Variants in ZFAND3 observed in about 807,000 individuals in gnomAD.
ZFAND3 encodes the protein zinc finger AN1-type containing 3.
A neutral mutation model predicts 29.6 loss-of-function variants in ZFAND3; 10 were observed. The ratio of observed to expected loss-of-function variants is 0.34; its 90% confidence interval spans 0.21 to 0.57. The LOEUF (loss-of-function observed/expected upper bound fraction) is 0.57. Among genes scored for constraint, ZFAND3 ranks in the 20% least tolerant of loss-of-function variants. The pLI is 0.86. For synonymous variants in ZFAND3, 128 were observed against 112.6 expected, an observed-to-expected ratio of 1.14 and a Z score of -0.87; for missense variants, 230 against 304.5, an observed-to-expected ratio of 0.76 and a Z score of 1.82.
At chr6:37,888,736 C>T (rs571927611) in intron 1 of ZFAND3, among the ~76,000 whole-genome samples, 23 of 152,278 alleles carry the variant, frequency 1.5e-4, no homozygotes, top group African/African-American at 5.5e-4. Flanking sequence ...ATCTCTTTCT[C>T]TTTGATGTTG....
intron 1 of ZFAND3, among the ~76,000 whole-genome samples, chr6:37,841,410 A>C (rs1287816356): frequency 6.6e-6 from 1 of 152,228 alleles, no homozygotes; most frequent in African/African-American, 2.4e-5. Context: ...TTGTAGACTC[A>C]ATACATTTAC....
chr6:37,934,924 A>T (rs1761671168), intron 2 of ZFAND3, among the ~76,000 whole-genome samples: 1 of 145,046 alleles, frequency 6.9e-6, no homozygotes. Flanking sequence ...CCTATTTGTT[A>T]TTTTTCTACC....
intron 1 of ZFAND3, among the ~76,000 whole-genome samples, chr6:37,894,280 T>TA (rs1388653312): frequency 6.6e-6 from 1 of 152,138 alleles, no homozygotes; most frequent in African/African-American, 2.4e-5. Context: ...TTTAAGGAGA[T>TA]ACGAATAATT....
intron 2 of ZFAND3, among the ~76,000 whole-genome samples, chr6:38,012,800 T>C (rs764563591): frequency 6.6e-6 from 1 of 152,210 alleles, no homozygotes; most frequent in Non-Finnish European, 1.5e-5. Context: ...GGCCACCCTC[T>C]AGTGGCTGCT....
chr6:38,034,703 T>C (rs900158894), intron 2 of ZFAND3, among the ~76,000 whole-genome samples: 2 of 152,182 alleles, frequency 1.3e-5, no homozygotes, highest in African/African-American at 4.8e-5. Context: ...TAGGGACTTC[T>C]AGGCATTTTA....
chr6:37,992,032 G>C (rs1430064133), intron 2 of ZFAND3, among the ~76,000 whole-genome samples: 2 of 152,134 alleles, frequency 1.3e-5, no homozygotes, highest in Non-Finnish European at 2.9e-5. Flanking sequence ...AATGTGATTT[G>C]CATTTTTTTG....
At chr6:37,881,214 G>A (rs1764889481) in intron 1 of ZFAND3, among the ~76,000 whole-genome samples, 1 of 152,128 alleles carries the variant, frequency 6.6e-6, no homozygotes. Context: ...TGGGACCACA[G>A]CTGCACGCCA....
intron 4 of ZFAND3, among the ~76,000 whole-genome samples, chr6:38,109,826 T>G (rs1765280098): frequency 6.6e-6 from 1 of 152,170 alleles, no homozygotes; most frequent in African/African-American, 2.4e-5. Flanking sequence ...CAGAAGCAGC[T>G]TCTGCGTTGC....
chr6:37,951,037 T>C (rs1198532108), intron 2 of ZFAND3, among the ~76,000 whole-genome samples: 1 of 152,244 alleles, frequency 6.6e-6, no homozygotes, highest in African/African-American at 2.4e-5. Context: ...TCATCTCTGA[T>C]TTTTTTCAGC....
At chr6:38,032,457 T>C (rs1763580075) in intron 2 of ZFAND3, among the ~76,000 whole-genome samples, 1 of 152,222 alleles carries the variant, frequency 6.6e-6, no homozygotes, top group East Asian at 1.9e-4. Context: ...TCAGTGGTCA[T>C]GGAGCTGTGA....
Position 37,819,789 on chromosome 6 carries a change from C to A in ZFAND3, c.-157C>A. 2.9e-6 allele frequency: 1 copy of A among 349,782 alleles called. No individual in the cohort carries two copies. The highest frequency in any genetic ancestry group is 4.3e-6 in the Non-Finnish European group (1 of 234,018). 21.7% of individuals were successfully genotyped at this position (349,782 alleles called of 1,614,324 possible). A position where few individuals can be genotyped will look rare whatever the true frequency, so the allele number is the denominator to read the frequency against. On this transcript the variant is annotated 5_prime_UTR_variant, in exon 1 of 6. Coordinates refer to ENST00000287218, the MANE Select transcript of ZFAND3 (RefSeq NM_021943.3). ...CCAGCTGACCGGCCTGGAATCCCGG[C>A]TCCGAGCCCCGGACTCGCGCCCGCC...
At chr6:38,053,152 G>A (rs1044492897) in intron 2 of ZFAND3, among the ~76,000 whole-genome samples, 1 of 152,080 alleles carries the variant, frequency 6.6e-6, no homozygotes, top group African/African-American at 2.4e-5. Flanking sequence ...GAGAGGAGGA[G>A]CAGTGGCATC....
At chr6:37,888,915 A>G (rs1561923196) in intron 1 of ZFAND3, among the ~76,000 whole-genome samples, 1 of 152,254 alleles carries the variant, frequency 6.6e-6, no homozygotes, top group African/African-American at 2.4e-5. Flanking sequence ...TAAAATTACT[A>G]TGAAGTTTCT....
chr6:38,114,437 C>G (rs1314546543), intron 4 of ZFAND3, among the ~76,000 whole-genome samples: 1 of 152,218 alleles, frequency 6.6e-6, no homozygotes, highest in Non-Finnish European at 1.5e-5. Flanking sequence ...GCCTGGACAG[C>G]TTTGCTCAGC....
intron 5 of ZFAND3, among the ~76,000 whole-genome samples, chr6:38,133,647 G>T (rs1366468335): frequency 2.6e-5 from 4 of 151,938 alleles, no homozygotes; most frequent in Admixed American, 2.6e-4. Flanking sequence ...CTACTCGGGA[G>T]GCTGAGGCAG....
intron 5 of ZFAND3, among the ~76,000 whole-genome samples, chr6:38,146,140 C>T (rs775821488): frequency 6.7e-6 from 1 of 150,266 alleles, no homozygotes; most frequent in Non-Finnish European, 1.5e-5. Flanking sequence ...CAGGCATCCT[C>T]TTCTTCCATT....
intron 3 of ZFAND3, among the ~76,000 whole-genome samples, chr6:38,072,927 T>C (rs546647004): frequency 1.4e-4 from 21 of 152,334 alleles, no homozygotes; most frequent in African/African-American, 5.0e-4. Flanking sequence ...ATCAGTATAA[T>C]CCCTTCACTA....
At chr6:37,844,246 G>GTCTGTCTT (rs1226697955) in intron 1 of ZFAND3, among the ~76,000 whole-genome samples, 1 of 151,022 alleles carries the variant, frequency 6.6e-6, no homozygotes, top group Non-Finnish European at 1.5e-5. Context: ...TTCTTTGTCT[G>GTCTGTCTT]TCTGTCTTTC....
intron 5 of ZFAND3, among the ~76,000 whole-genome samples, chr6:38,117,121 A>G (rs16890376): frequency 0.068 from 10,287 of 152,232 alleles, 416 homozygotes; most frequent in Non-Finnish European, 0.095. Flanking sequence ...ATATTAAGTT[A>G]ATTTTGAATG....
Sources: gnomAD v4.1 joint callset for allele counts (sites outside exome capture counted in the v4.1 genomes callset) on GRCh38, gnomAD v4.1.1 for gene constraint, MANE v1.5 for transcripts, NCBI Gene and HGNC (gene_info 2026-07-23, HGNC 2026-07-21) for gene names.